The following NEMP1 variants were observed in gnomAD, a reference collection of about 807,000 sequenced individuals.
NEMP1 encodes the protein transmembrane protein 194.
In NEMP1, 29 loss-of-function variants were observed where a neutral mutation model predicts 53.7. The observed-to-expected ratio is 0.54, with a 90% confidence interval of 0.40 to 0.74. NEMP1 has a LOEUF of 0.74. Among genes scored for constraint, NEMP1 ranks in the 30% least tolerant of loss-of-function variants. NEMP1 has a pLI of 0.00. For synonymous variants in NEMP1, 193 were observed against 192.9 expected, an observed-to-expected ratio of 1.00 and a Z score of 0.00; for missense variants, 477 against 528.6, an observed-to-expected ratio of 0.90 and a Z score of 0.96.
upstream of NEMP1, among the ~76,000 whole-genome samples, chr12:57,079,991 CCTT>C (rs1205388397): frequency 1.3e-5 from 2 of 152,226 alleles, no homozygotes; most frequent in East Asian, 3.9e-4. Flanking sequence ...GACAAGGTCT[CCTT>C]CTGTAACCCT....
intron 6 of NEMP1, 106 bp from the exon 7 acceptor site, chr12:57,063,450 G>T: frequency 1.2e-6 from 1 of 814,032 alleles, no homozygotes; most frequent in Non-Finnish European, 1.9e-6. Context: ...ATTGAACTAG[G>T]AAATCAGATT....
In NEMP1 at chr12:57,059,876, T is replaced by A. The variant is rs754323920; in HGVS notation, c.*3A>T. The A allele has an allele frequency of 1.5e-5, 24 of 1,612,666 alleles. No individual in the cohort carries two copies. Among genetic ancestry groups the A allele is most frequent in the Non-Finnish European group, 1.9e-5 (22 of 1,179,402 alleles). ...AGTCCACGTAAAGATAACTGACCAC[T>A]ACCTAGGTTAGAAAGTTGTTCTGTG... On this transcript the variant is annotated 3_prime_UTR_variant, in exon 9 of 9. Transcript: ENST00000300128.
intron 4 of NEMP1, among the ~76,000 whole-genome samples, chr12:57,067,832 C>T (rs753345800): frequency 6.6e-6 from 1 of 152,142 alleles, no homozygotes; most frequent in Admixed American, 6.6e-5. Context: ...TGCAGTGGTG[C>T]AATCACGGAT....
chr12:57,078,868 C>G, upstream of NEMP1: 1 of 1,138,430 alleles, frequency 8.8e-7, no homozygotes, highest in Non-Finnish European at 1.2e-6. Context: ...GGCAGGGCTT[C>G]GAGCACCCAG....
rs948477119 is a variant in NEMP1, at chr12:57,058,171, T to C, written c.*1708A>G. On this transcript the variant is annotated 3_prime_UTR_variant, in exon 9 of 9. Transcript: ENST00000300128. Reference sequence around the variant, plus strand: ...GTCTCTTTCCTGCCAACTGAGGTAGTTGTCACTTAGGACAGTTTAAGGCTC... The same window carrying C: ...GTCTCTTTCCTGCCAACTGAGGTAGCTGTCACTTAGGACAGTTTAAGGCTC... The C allele has an allele frequency of 5.1e-5, 7 of 138,266 alleles. No individual in the cohort carries two copies. Among genetic ancestry groups the C allele is most frequent in the South Asian group, 2.1e-4 (1 of 4,670 alleles). The allele number at this position is 138,266 out of a possible 1,614,324, so 8.6% of individuals were successfully genotyped here. A position where few individuals can be genotyped will look rare whatever the true frequency, so the allele number is the denominator to read the frequency against.
In NEMP1 at chr12:57,063,118, C is replaced by A; in HGVS notation, c.980+1G>T. On this transcript the variant is annotated splice_donor_variant, in intron 7 of 8. Coordinates refer to ENST00000300128, the MANE Select transcript of NEMP1 (RefSeq NM_001130963.2). LOFTEE classifies it high-confidence loss of function. ...ATTAAGTTACATTGCCTTTCAGTCA[C>A]CTGCAGGTGATGTACAGCCACTGAA... The A allele has an allele frequency of 6.2e-7, 1 of 1,609,194 alleles. No homozygotes were observed. The highest frequency in any genetic ancestry group is 8.5e-7 in the Non-Finnish European group (1 of 1,175,544).
chr12:57,066,909 G>T (rs1275792377), intron 4 of NEMP1, among the ~76,000 whole-genome samples: 2 of 152,208 alleles, frequency 1.3e-5, no homozygotes, highest in Non-Finnish European at 2.9e-5. Flanking sequence ...TGCCATGTAA[G>T]ATGTGCCTTT....
intron 1 of NEMP1, among the ~76,000 whole-genome samples, chr12:57,085,902 C>T (rs1403886470): frequency 6.6e-6 from 1 of 152,216 alleles, no homozygotes; most frequent in Non-Finnish European, 1.5e-5. Flanking sequence ...TTCAAAGTTG[C>T]ACAGGCCTGT....
At chr12:57,069,171 C>T (rs73116501) in intron 4 of NEMP1, 63 bp downstream of exon 4, 102,485 of 1,183,696 alleles carry the variant, frequency 0.087, 4,770 homozygotes, top group East Asian at 0.14. Flanking sequence ...TTAATAGTTA[C>T]TATAAAACGC....
chr12:57,082,078 G>T (rs957129207), upstream of NEMP1, among the ~76,000 whole-genome samples: 2 of 150,712 alleles, frequency 1.3e-5, no homozygotes, highest in Non-Finnish European at 3.0e-5. Context: ...TTAGCTGGGC[G>T]TATGGCGGGC....
chr12:57,071,384 AT>A (rs949400594), intron 2 of NEMP1, among the ~76,000 whole-genome samples: 185 of 148,418 alleles, frequency 1.2e-3, no homozygotes, highest in African/African-American at 4.1e-3. Flanking sequence ...TTATCAGATA[AT>A]TTTTTTTTTT....
intron 1 of NEMP1, among the ~76,000 whole-genome samples, chr12:57,087,414 G>A (rs60929309): frequency 6.6e-6 from 1 of 151,770 alleles, no homozygotes; most frequent in African/African-American, 2.4e-5. Flanking sequence ...CGGGGCCAGC[G>A]GCTGGCAGCC....
At chr12:57,088,122 G>A (rs902922547), upstream of NEMP1, 8 of 152,204 alleles carry the variant, frequency 5.3e-5, no homozygotes, top group Non-Finnish European at 1.0e-4. Flanking sequence ...CTAATAGACG[G>A]CCCCAGGAAG....
intron 2 of NEMP1, 142 bp downstream of exon 2, chr12:57,072,646 A>G (rs2032406870): frequency 3.4e-6 from 3 of 874,136 alleles, no homozygotes; most frequent in Non-Finnish European, 5.2e-6. Context: ...TGAAAACACA[A>G]CTCAGGATAA....
chr12:57,069,210 C>CTGCA (rs768980473), intron 4 of NEMP1, 24 bp downstream of exon 4: 1 of 1,511,228 alleles, frequency 6.6e-7, no homozygotes, highest in South Asian at 1.3e-5. Context: ...CCGTTTCATT[C>CTGCA]TGCACACTAG....
upstream of NEMP1, among the ~76,000 whole-genome samples, chr12:57,082,359 G>T (rs1204388901): frequency 6.6e-6 from 1 of 152,232 alleles, no homozygotes; most frequent in Non-Finnish European, 1.5e-5. Context: ...GAAATTGAAT[G>T]TAGGGTATAT....
intron 4 of NEMP1, among the ~76,000 whole-genome samples, chr12:57,067,097 A>G (rs1274966734): frequency 1.3e-5 from 2 of 152,164 alleles, no homozygotes; most frequent in Non-Finnish European, 2.9e-5. Flanking sequence ...AGGCTGAGGC[A>G]GGCAGATCAT....
chr12:57,064,498 G>T, intron 5 of NEMP1, 148 bp downstream of exon 5: 1 of 560,242 alleles, frequency 1.8e-6, no homozygotes, highest in Non-Finnish European at 3.0e-6. Context: ...AAGTTTCATC[G>T]TGGAAAGTAC....
At chr12:57,084,467 C>T (rs925298740) in intron 1 of NEMP1, among the ~76,000 whole-genome samples, 1 of 152,100 alleles carries the variant, frequency 6.6e-6, no homozygotes, top group African/African-American at 2.4e-5. Flanking sequence ...CAAGTCCTGT[C>T]GATCTTATTT....
Sources: allele counts gnomAD v4.1 joint callset (sites outside exome capture counted in the v4.1 genomes callset), GRCh38; gene constraint gnomAD v4.1.1; transcripts MANE v1.5; gene names NCBI Gene and HGNC (gene_info 2026-07-23, HGNC 2026-07-21).